SDK1: variants seen among roughly 807,000 people sequenced by gnomAD.
The protein encoded by SDK1 is protein sidekick-1.
A neutral mutation model predicts 245.5 loss-of-function variants in SDK1; 157 were observed. That is an observed-to-expected ratio of 0.64 (90% CI 0.56 to 0.73). The LOEUF is 0.73. Ranked by LOEUF, SDK1 falls within the 30% of genes least tolerant of loss-of-function variation. The pLI, the probability that SDK1 is intolerant of heterozygous loss-of-function variation, is 0.00. For synonymous variants in SDK1, 1,647 were observed against 1,278.5 expected (o/e 1.29, Z -6.15); for missense variants, 3,583 against 3,002.3 (o/e 1.19, Z -4.52).
chr7:4,100,232 T>C (rs947746034), intron 22 of SDK1, among the ~76,000 whole-genome samples: 1 of 152,002 alleles, frequency 6.6e-6, no homozygotes, highest in Non-Finnish European at 1.5e-5. Context: ...CAGATGCGGA[T>C]GGGGAGGTTG....
chr7:4,185,359 C>G (rs539498759), intron 35 of SDK1, among the ~76,000 whole-genome samples: 1 of 152,296 alleles, frequency 6.6e-6, no homozygotes, highest in South Asian at 2.1e-4. Context: ...CACGCTCCAG[C>G]CTTCAAGACA....
Position 3,580,996 on chromosome 7 carries a change from C to CAA in SDK1, c.299-38081_299-38080dup, listed in dbSNP as rs1418335916. Reference sequence around the variant, plus strand: ...AAAAAAAAAAAAAAAAAAAAAAAACCAAAACAAAACCCTGGAAGACAATCT... The same window carrying CAA: ...AAAAAAAAAAAAAAAAAAAAAAAACCAAAAAACAAAACCCTGGAAGACAATCT... On this transcript the variant is annotated intron_variant, in intron 1 of 44. Coordinates refer to ENST00000404826, the MANE Select transcript of SDK1 (RefSeq NM_152744.4). Among the ~76,000 whole-genome samples, 6 of 92,952 alleles carry CAA rather than the reference C, an allele frequency of 6.5e-5. 2 individuals carry two copies. The highest frequency in any genetic ancestry group is 1.0e-4 in the Non-Finnish European group (5 of 49,270). The allele number at this position is 92,952 out of a possible 152,430, so 61.0% of individuals were successfully genotyped here.
intron 5 of SDK1, among the ~76,000 whole-genome samples, chr7:3,917,037 A>G (rs1023463843): frequency 3.9e-5 from 6 of 152,240 alleles, no homozygotes; most frequent in African/African-American, 1.4e-4. Flanking sequence ...TTTTCCATCT[A>G]AAAACACTCC....
At chr7:3,969,465 G>A (rs200615811) in intron 11 of SDK1, 41 bp downstream of exon 11, 9 of 1,460,538 alleles carry the variant, frequency 6.2e-6, no homozygotes, top group Middle Eastern at 3.7e-4. Context: ...TGTTAGCCAC[G>A]GTTTAATCAT....
At chr7:3,585,595 T>C (rs1220675936) in intron 1 of SDK1, among the ~76,000 whole-genome samples, 3 of 151,792 alleles carry the variant, frequency 2.0e-5, no homozygotes, top group South Asian at 4.2e-4. Context: ...AAGAAGGAAA[T>C]TGATCAGGGT....
At chr7:3,880,445 C>G (rs575756173) in intron 5 of SDK1, among the ~76,000 whole-genome samples, 1 of 151,948 alleles carries the variant, frequency 6.6e-6, no homozygotes, top group Non-Finnish European at 1.5e-5. Context: ...GAGCCCGGCC[C>G]GCGGCGCCAA....
intron 44 of SDK1, among the ~76,000 whole-genome samples, chr7:4,250,349 A>AT (rs367949654): frequency 0.026 from 3,866 of 146,298 alleles, 155 homozygotes; most frequent in African/African-American, 0.088. Flanking sequence ...CAGAAGTGTA[A>AT]TTTTTTTTTT....
intron 1 of SDK1, among the ~76,000 whole-genome samples, chr7:3,615,555 C>G (rs962310350): frequency 6.6e-6 from 1 of 151,716 alleles, no homozygotes; most frequent in Admixed American, 6.6e-5. Context: ...GCTTAAGGGA[C>G]AGCGACTGTG....
At chr7:3,490,255 A>G (rs142230024) in intron 1 of SDK1, among the ~76,000 whole-genome samples, 17 of 152,356 alleles carry the variant, frequency 1.1e-4, no homozygotes, top group Non-Finnish European at 1.8e-4. Context: ...TTCATAGGAA[A>G]TAGGCATATT....
chr7:3,940,386 G>A (rs1389843145), intron 5 of SDK1, among the ~76,000 whole-genome samples: 4 of 152,224 alleles, frequency 2.6e-5, no homozygotes, highest in Non-Finnish European at 2.9e-5. Flanking sequence ...ACGCGAAAAC[G>A]CATCTTAAAA....
At chr7:3,668,051 A>T (rs2128661735) in intron 4 of SDK1, among the ~76,000 whole-genome samples, 1 of 152,308 alleles carries the variant, frequency 6.6e-6, no homozygotes. Context: ...ATAATCAGAA[A>T]CTTAGCTTGC....
intron 1 of SDK1, among the ~76,000 whole-genome samples, chr7:3,387,202 T>C (rs1781631700): frequency 6.6e-6 from 1 of 152,174 alleles, no homozygotes; most frequent in South Asian, 2.1e-4. Context: ...ATATGTGTAC[T>C]AGGGATTGCC....
chr7:3,496,458 C>CT (rs76227321), intron 1 of SDK1, among the ~76,000 whole-genome samples: 3,140 of 142,690 alleles, frequency 0.022, 45 homozygotes, highest in African/African-American at 0.047. Flanking sequence ...GTGTTTTTAA[C>CT]TTTTTTTTTT....
intron 8 of SDK1, among the ~76,000 whole-genome samples, chr7:3,962,191 G>T (rs1781751575): frequency 1.3e-5 from 2 of 152,208 alleles, no homozygotes; most frequent in Admixed American, 1.3e-4. Flanking sequence ...AAAGGGACAG[G>T]TAATGTATTC....
intron 5 of SDK1, among the ~76,000 whole-genome samples, chr7:3,930,282 A>C (rs894747935): frequency 6.6e-6 from 1 of 152,208 alleles, no homozygotes; most frequent in African/African-American, 2.4e-5. Flanking sequence ...TTTTCTTCGA[A>C]TAACTCAGAA....
chr7:3,585,361 A>T (rs964481301), intron 1 of SDK1, among the ~76,000 whole-genome samples: 2 of 152,234 alleles, frequency 1.3e-5, no homozygotes, highest in African/African-American at 4.8e-5. Context: ...TAATAAAGCT[A>T]GAGTAATGGA....
chr7:3,644,298 A>G (rs548011363), intron 4 of SDK1, among the ~76,000 whole-genome samples: 1 of 151,508 alleles, frequency 6.6e-6, no homozygotes, highest in African/African-American at 2.4e-5. Flanking sequence ...TCTAGTAAAA[A>G]TACCAGTTAC....
chr7:4,188,953 G>A (rs1404697919), intron 35 of SDK1, among the ~76,000 whole-genome samples: 2 of 151,938 alleles, frequency 1.3e-5, no homozygotes, highest in East Asian at 3.9e-4. Context: ...ACATCAGTTT[G>A]TTACACATTT....
intron 4 of SDK1, among the ~76,000 whole-genome samples, chr7:3,801,028 T>C (rs1038951914): frequency 2.6e-5 from 4 of 152,214 alleles, no homozygotes; most frequent in African/African-American, 9.7e-5. Flanking sequence ...GCACAACAAA[T>C]TGAAATTTTT....
Sources: gnomAD v4.1 joint callset for allele counts (sites outside exome capture counted in the v4.1 genomes callset) on GRCh38, gnomAD v4.1.1 for gene constraint, MANE v1.5 for transcripts, NCBI Gene and HGNC (gene_info 2026-07-23, HGNC 2026-07-21) for gene names.